LRTM3: variants seen among roughly 807,000 people sequenced by gnomAD.
The protein encoded by LRTM3 is leucine rich repeat transmembrane protein 3.
chr13:102,742,709 C>T, the LRTM3 span: 8 of 1,550,606 alleles, frequency 5.2e-6, no homozygotes, highest in South Asian at 1.2e-5. Flanking sequence ...CAAAGGTCTA[C>T]CTTGGGGACT....
At chr13:102,735,817 A>C in the LRTM3 span, 2 of 1,543,094 alleles carry the variant, frequency 1.3e-6, no homozygotes, top group Non-Finnish European at 1.7e-6. Context: ...CTTCCTTTTC[A>C]TTCCTTCTAG....
At chr13:102,736,210 T>G in the LRTM3 span, 1 of 1,548,612 alleles carries the variant, frequency 6.5e-7, no homozygotes, top group South Asian at 1.2e-5. Flanking sequence ...AAGGCATGAA[T>G]GGATGAGTTT....
chr13:102,748,145 T>C, the LRTM3 span: 11 of 1,550,778 alleles, frequency 7.1e-6, no homozygotes, highest in East Asian at 2.2e-4. Flanking sequence ...ATCAGGTAGT[T>C]GAGAAATGGT....
the LRTM3 span, chr13:102,743,638 G>C: frequency 1.3e-6 from 2 of 1,549,220 alleles, no homozygotes; most frequent in African/African-American, 2.8e-5. Context: ...TTGCAGGTGA[G>C]TTTTCTTGTA....
At chr13:102,739,070 C>T in the LRTM3 span, 2 of 1,550,372 alleles carry the variant, frequency 1.3e-6, no homozygotes, top group South Asian at 1.2e-5. Flanking sequence ...TGTTATTCCT[C>T]TCATGTATAC....
chr13:102,730,476 T>C, the LRTM3 span: 25 of 1,551,528 alleles, frequency 1.6e-5, no homozygotes, highest in Non-Finnish European at 2.2e-5. Flanking sequence ...GATTCACATG[T>C]ATTTCTTTCT....
At chr13:102,752,195 A>T in the LRTM3 span, among the ~76,000 whole-genome samples, 1 of 151,716 alleles carries the variant, frequency 6.6e-6, no homozygotes, top group African/African-American at 2.4e-5. Flanking sequence ...AGGACCAAAA[A>T]CTCCACCCTC....
the LRTM3 span, chr13:102,740,637 G>A: frequency 6.5e-7 from 1 of 1,548,446 alleles, no homozygotes; most frequent in African/African-American, 1.4e-5. Flanking sequence ...TAGTCATAAT[G>A]TGGAATATCC....
At chr13:102,742,408 C>T in the LRTM3 span, 1 of 1,546,866 alleles carries the variant, frequency 6.5e-7, no homozygotes, top group Non-Finnish European at 8.7e-7. Context: ...CTGAGACACA[C>T]AGCTCTTGCT....
chr13:102,741,300 CT>C, the LRTM3 span: 6 of 1,550,102 alleles, frequency 3.9e-6, no homozygotes, highest in South Asian at 7.1e-5. Context: ...GCTGTATTCA[CT>C]GCCTGTTTTA....
the LRTM3 span, chr13:102,741,272 G>C: frequency 6.5e-7 from 1 of 1,550,208 alleles, no homozygotes; most frequent in South Asian, 1.2e-5. Flanking sequence ...TTCAGAGATG[G>C]TAACATTTTC....
the LRTM3 span, chr13:102,730,958 T>C: frequency 1.2e-5 from 18 of 1,551,464 alleles, no homozygotes; most frequent in Non-Finnish European, 1.5e-5. Context: ...TTTCTTTCTC[T>C]CATGAGCACT....
the LRTM3 span, among the ~76,000 whole-genome samples, chr13:102,756,644 A>G: frequency 7.6e-6 from 1 of 131,252 alleles, no homozygotes; most frequent in Non-Finnish European, 1.6e-5. Flanking sequence ...ATTGCTCTCC[A>G]GCCTGGGCAA....
At chr13:102,742,358 G>A in the LRTM3 span, 1 of 1,547,694 alleles carries the variant, frequency 6.5e-7, no homozygotes, top group Non-Finnish European at 8.7e-7. Context: ...GATTTTAGGA[G>A]AAATAGATGT....
chr13:102,748,431 C>G, the LRTM3 span: 1 of 1,551,148 alleles, frequency 6.4e-7, no homozygotes, highest in Non-Finnish European at 8.7e-7. Context: ...TCCAAAAAAT[C>G]TTTTTGTTTC....
At chr13:102,748,251 C>T in the LRTM3 span, 7 of 1,551,146 alleles carry the variant, frequency 4.5e-6, no homozygotes, top group African/African-American at 6.8e-5. Context: ...TCCTCACTTT[C>T]ACGTAGGTCA....
the LRTM3 span, chr13:102,740,552 C>G: frequency 6.5e-7 from 1 of 1,549,190 alleles, no homozygotes; most frequent in Non-Finnish European, 8.7e-7. Flanking sequence ...TAAGTCTTGT[C>G]TTTTTTTACT....
At chr13:102,754,069 G>A in the LRTM3 span, among the ~76,000 whole-genome samples, 2 of 152,014 alleles carry the variant, frequency 1.3e-5, no homozygotes, top group Non-Finnish European at 2.9e-5. Flanking sequence ...AGCTGGGCAT[G>A]GTGGCATGCA....
the LRTM3 span, chr13:102,732,625 G>T: frequency 6.4e-7 from 1 of 1,551,146 alleles, no homozygotes; most frequent in Non-Finnish European, 8.7e-7. Context: ...TATGAGTGAT[G>T]ACTTGAGTCT....
Sources: allele counts gnomAD v4.1 joint callset (sites outside exome capture counted in the v4.1 genomes callset), GRCh38; gene constraint gnomAD v4.1.1; transcripts MANE v1.5; gene names NCBI Gene and HGNC (gene_info 2026-07-23, HGNC 2026-07-21).